Variants in RCAN2 observed in about 807,000 individuals in gnomAD.
RCAN2 encodes calcipressin-2.
A neutral mutation model predicts 23.6 loss-of-function variants in RCAN2; 9 were observed. That is an observed-to-expected ratio of 0.38 (90% CI 0.23 to 0.67). The LOEUF is 0.67. Ranked by LOEUF, RCAN2 falls within the 30% of genes least tolerant of loss-of-function variation. The probability of loss-of-function intolerance (pLI) is 0.51; values close to 1 mark genes in which losing one functional copy is unlikely to be tolerated. For synonymous variants in RCAN2, 109 were observed against 115.7 expected, an observed-to-expected ratio of 0.94 and a Z score of 0.37; for missense variants, 273 against 302.3, an observed-to-expected ratio of 0.90 and a Z score of 0.72.
intron 2 of RCAN2, among the ~76,000 whole-genome samples, chr6:46,345,096 A>G (rs1201880387): frequency 3.9e-5 from 6 of 152,054 alleles, no homozygotes; most frequent in Non-Finnish European, 5.9e-5. Flanking sequence ...TACAAATAGT[A>G]AGCATAAGAA....
At chr6:46,398,222 G>A (rs541747175) in intron 2 of RCAN2, among the ~76,000 whole-genome samples, 1 of 152,246 alleles carries the variant, frequency 6.6e-6, no homozygotes, top group African/African-American at 2.4e-5. Context: ...TTTTCTCTGT[G>A]TTATGGCAAA....
At chr6:46,368,135 C>T (rs1561877413) in intron 2 of RCAN2, among the ~76,000 whole-genome samples, 1 of 152,198 alleles carries the variant, frequency 6.6e-6, no homozygotes, top group Non-Finnish European at 1.5e-5. Context: ...TGAAGGCATA[C>T]ATAAACAACA....
At chr6:46,435,582 G>T (rs1767340866) in intron 2 of RCAN2, among the ~76,000 whole-genome samples, 1 of 152,114 alleles carries the variant, frequency 6.6e-6, no homozygotes, top group Non-Finnish European at 1.5e-5. Flanking sequence ...CTCAAAATTT[G>T]CCATTAGCAA....
chr6:46,446,552 C>A (rs1561909403), intron 2 of RCAN2, among the ~76,000 whole-genome samples: 1 of 152,218 alleles, frequency 6.6e-6, no homozygotes, highest in East Asian at 1.9e-4. Context: ...CAGTCAAATT[C>A]AGAATACTCT....
intron 1 of RCAN2, among the ~76,000 whole-genome samples, chr6:46,469,514 A>G (rs962524276): frequency 6.6e-6 from 1 of 152,154 alleles, no homozygotes; most frequent in African/African-American, 2.4e-5. Context: ...TGGGGGAAGA[A>G]ATTGAGGCAG....
intron 2 of RCAN2, among the ~76,000 whole-genome samples, chr6:46,447,920 C>A (rs753578947): frequency 6.6e-6 from 1 of 151,290 alleles, no homozygotes; most frequent in Non-Finnish European, 1.5e-5. Context: ...AACATAACAT[C>A]ATACCACAAG....
chr6:46,299,864 A>AT, intron 2 of RCAN2, among the ~76,000 whole-genome samples: 1 of 152,078 alleles, frequency 6.6e-6, no homozygotes, highest in African/African-American at 2.4e-5. Flanking sequence ...TGCAAATACC[A>AT]TTTTTAAAAT....
intron 2 of RCAN2, among the ~76,000 whole-genome samples, chr6:46,449,343 A>G (rs1434137902): frequency 2.6e-5 from 4 of 151,600 alleles, no homozygotes; most frequent in Non-Finnish European, 5.9e-5. Context: ...ATAAATGAAA[A>G]GATATTCTAT....
chr6:46,358,167 T>C (rs1350038394), intron 2 of RCAN2, among the ~76,000 whole-genome samples: 2 of 152,184 alleles, frequency 1.3e-5, no homozygotes, highest in African/African-American at 4.8e-5. Context: ...CTAGGAAAGA[T>C]GGTTGTGGCA....
At chr6:46,365,439 G>C (rs1056990532) in intron 2 of RCAN2, among the ~76,000 whole-genome samples, 3 of 150,530 alleles carry the variant, frequency 2.0e-5, no homozygotes, top group Non-Finnish European at 2.9e-5. Context: ...TCATGCCATT[G>C]CACACTAGCC....
intron 2 of RCAN2, among the ~76,000 whole-genome samples, chr6:46,343,506 G>A (rs924353753): frequency 1.3e-5 from 2 of 151,626 alleles, no homozygotes; most frequent in African/African-American, 4.8e-5. Context: ...CTCCTGAGTA[G>A]CTGGGACTAC....
At chr6:46,373,805 C>G (rs1009593165) in intron 2 of RCAN2, among the ~76,000 whole-genome samples, 3 of 152,110 alleles carry the variant, frequency 2.0e-5, no homozygotes, top group African/African-American at 7.2e-5. Flanking sequence ...CTATCTCTGT[C>G]TCTCTCTTTC....
At chr6:46,338,542 G>A (rs1003955481) in intron 2 of RCAN2, among the ~76,000 whole-genome samples, 1 of 152,152 alleles carries the variant, frequency 6.6e-6, no homozygotes, top group Non-Finnish European at 1.5e-5. Flanking sequence ...CCCCAGTATA[G>A]AAAGTGCATT....
intron 2 of RCAN2, among the ~76,000 whole-genome samples, chr6:46,375,192 G>C (rs754072918): frequency 6.6e-6 from 1 of 152,204 alleles, no homozygotes; most frequent in Admixed American, 6.5e-5. Flanking sequence ...TGATCTGCCT[G>C]CCTTGGCCTC....
chr6:46,489,433 T>G (rs928893982), intron 1 of RCAN2, among the ~76,000 whole-genome samples: 1 of 152,220 alleles, frequency 6.6e-6, no homozygotes, highest in Non-Finnish European at 1.5e-5. Context: ...CAACAAATAA[T>G]TATTGAATTG....
rs145559080 is a variant in RCAN2 at position 46,241,725 on chromosome 6, T to G, written c.571+5023A>C. ...GCCAGTGGCAGAGGACATATTTTAATTTAGTAGCTGTGTCGCCTTGGGCAA... is the reference window on the plus strand; with the variant it reads ...GCCAGTGGCAGAGGACATATTTTAAGTTAGTAGCTGTGTCGCCTTGGGCAA... On this transcript the variant is annotated intron_variant, in intron 4 of 4. Coordinates refer to ENST00000371374, the MANE Select transcript of RCAN2 (RefSeq NM_001251974.2). Among the ~76,000 whole-genome samples the G allele has an allele frequency of 2.0e-5, 3 of 152,332 alleles. No homozygotes were observed. In the East Asian group the frequency reaches 5.8e-4, roughly 29 times the overall value.
chr6:46,330,390 A>G (rs1763930123), intron 2 of RCAN2, among the ~76,000 whole-genome samples: 1 of 152,196 alleles, frequency 6.6e-6, no homozygotes, highest in African/African-American at 2.4e-5. Context: ...ACCCACTTCC[A>G]TACTCACTCC....
At chr6:46,330,578 C>T (rs1403073779) in intron 2 of RCAN2, among the ~76,000 whole-genome samples, 1 of 152,186 alleles carries the variant, frequency 6.6e-6, no homozygotes, top group Non-Finnish European at 1.5e-5. Context: ...TCAAATTTCT[C>T]CAGCTGTACT....
intron 2 of RCAN2, among the ~76,000 whole-genome samples, chr6:46,385,229 C>T (rs1037647687): frequency 6.6e-6 from 1 of 152,152 alleles, no homozygotes; most frequent in Non-Finnish European, 1.5e-5. Flanking sequence ...AAGGAAAATA[C>T]AGGAGAGGCA....
Sources: allele counts gnomAD v4.1 joint callset (sites outside exome capture counted in the v4.1 genomes callset), GRCh38; gene constraint gnomAD v4.1.1; transcripts MANE v1.5; gene names NCBI Gene and HGNC (gene_info 2026-07-23, HGNC 2026-07-21).